Variants in TBCD observed in about 807,000 individuals in gnomAD.
TBCD encodes tubulin-specific chaperone D.
TBCD carries 105 observed loss-of-function variants against 169.3 expected under a neutral mutation model. The observed-to-expected ratio is 0.62, with a 90% CI of 0.53 to 0.73. The LOEUF is 0.73. Ranked by LOEUF, TBCD falls within the 30% of genes least tolerant of loss-of-function variation. TBCD has a pLI of 0.00. For missense variants in TBCD, 1,444 were observed against 1,600.1 expected, an observed-to-expected ratio of 0.90 and a Z score of 1.66; for synonymous variants, 700 against 643.9, an observed-to-expected ratio of 1.09 and a Z score of -1.32.
chr17:82,829,291 A>C, intron 13 of TBCD: 1 of 135,658 alleles, frequency 7.4e-6, no homozygotes, highest in South Asian at 2.4e-4. Context: ...GCACACCCAC[A>C]TGGGCGAATG....
In TBCD at chr17:82,831,095, C is replaced by G; in HGVS notation, c.1318+16161C>G. 2 of 1,614,188 alleles carry G rather than the reference C, an allele frequency of 1.2e-6. No individual in the cohort carries two copies. The highest frequency in any genetic ancestry group is 1.1e-5 in the South Asian group (1 of 91,086). The stretch of plus-strand genomic sequence containing the variant: ...GTGCTTTTCTTAACAGGCCTGAAGG[C>G]TGTGAGGCTTTGCTCTGGCGGGTAG... On this transcript the variant is annotated intron_variant, in intron 13 of 38. Transcript: ENST00000355528. The surrounding 1 kb of genome is among the most constrained non-coding windows in gnomAD (Gnocchi z 4.6).
intron 7 of TBCD, among the ~76,000 whole-genome samples, chr17:82,795,041 G>T (rs1389668038): frequency 6.6e-6 from 1 of 152,208 alleles, no homozygotes; most frequent in Non-Finnish European, 1.5e-5. Flanking sequence ...GGGCATCCAG[G>T]CCAGTTACAA....
chr17:82,933,652 C>T (rs549111480), intron 34 of TBCD, among the ~76,000 whole-genome samples: 1 of 151,954 alleles, frequency 6.6e-6, no homozygotes, highest in Non-Finnish European at 1.5e-5. Context: ...GAGTCTTGCT[C>T]TGTTGCCCAG....
intron 11 of TBCD, among the ~76,000 whole-genome samples, chr17:82,807,912 T>C (rs2292972): frequency 0.36 from 55,313 of 152,154 alleles, 10,365 homozygotes; most frequent in Middle Eastern, 0.41. Flanking sequence ...GTTTACCTGT[T>C]TATCTTCAAA....
chr17:82,807,805 C>T, intron 11 of TBCD, 137 bp downstream of exon 11: 1 of 570,748 alleles, frequency 1.8e-6, no homozygotes, highest in Non-Finnish European at 2.7e-6. Flanking sequence ...ATGTGTGTTG[C>T]TTTACGTGTT....
chr17:82,825,411 A>C (rs2052756192), intron 13 of TBCD, among the ~76,000 whole-genome samples: 2 of 152,136 alleles, frequency 1.3e-5, no homozygotes, highest in African/African-American at 4.8e-5. Context: ...GAAAGCTGGA[A>C]GTATAATATT....
rs759161522 is a variant in TBCD at position 82,911,770 on chromosome 17, A to G, written c.2019A>G (p.Gly673=). The part of the protein sequence containing the change: ...YDRQLYRGLG[G]QLMRQAVCVL... ...CATTCCTTTTCAGGGGTCTGGGAGG[A>G]CAGCTCATGAGACAAGCAGGTAAGT... Residue 673 remains glycine, a synonymous_variant, in exon 23 of 39, where the codon GGA becomes GGG. Coordinates refer to ENST00000355528, the MANE Select transcript of TBCD (RefSeq NM_005993.5). 6 of 1,613,788 alleles carry G rather than the reference A, an allele frequency of 3.7e-6. No individual in the cohort carries two copies. Among genetic ancestry groups the G allele is most frequent in the East Asian group, 4.5e-5 (2 of 44,874 alleles).
chr17:82,824,481 C>A (rs888529723), intron 13 of TBCD, among the ~76,000 whole-genome samples: 5 of 151,710 alleles, frequency 3.3e-5, no homozygotes, highest in Admixed American at 3.3e-4. Flanking sequence ...CCGCGCCCGA[C>A]CCATATATTT....
Position 82,920,525 on chromosome 17 carries a change from T to A in TBCD, c.2039-31T>A. 1 of 1,514,830 alleles carries A rather than the reference T, an allele frequency of 6.6e-7. No homozygotes were observed. Among genetic ancestry groups the A allele is most frequent in the Non-Finnish European group, 8.8e-7 (1 of 1,134,542 alleles). 93.8% of individuals were successfully genotyped at this position (1,514,830 alleles called of 1,614,324 possible). On this transcript the variant is annotated intron_variant, in intron 23 of 38. Transcript: ENST00000355528. This position sits in a 1 kb window ranked among gnomAD's most constrained non-coding sequence, Gnocchi z 4.1. Reference sequence around the variant, plus strand: ...GGCAGGCGCTTTTAGAAAAGTAACATTGCGTCTATCCTTTTTTTTTTTTTT... The same window carrying A: ...GGCAGGCGCTTTTAGAAAAGTAACAATGCGTCTATCCTTTTTTTTTTTTTT...
intron 13 of TBCD, among the ~76,000 whole-genome samples, chr17:82,843,358 C>T (rs1197852405): frequency 3.2e-5 from 4 of 124,368 alleles, no homozygotes; most frequent in African/African-American, 9.3e-5. Flanking sequence ...CCCTTCCCTT[C>T]CCCTCGCCGT....
chr17:82,903,133 G>A lies in TBCD; in HGVS notation c.1731-272G>A, dbSNP rs528440556. Among the ~76,000 whole-genome samples the A allele has an allele frequency of 6.6e-6, 1 of 152,186 alleles. No homozygotes were observed. Among genetic ancestry groups the A allele is most frequent in the Non-Finnish European group, 1.5e-5 (1 of 68,010 alleles). On this transcript the variant is annotated intron_variant, in intron 18 of 38. Transcript: ENST00000355528. This position sits in a 1 kb window ranked among gnomAD's most constrained non-coding sequence, Gnocchi z 4.8. ...AGAGTAGCGTGGGGGTGGGGAGGCC[G>A]GACACCCAATTGCCACCTGGCCCTG...
intron 17 of TBCD, among the ~76,000 whole-genome samples, chr17:82,894,875 G>A (rs2059376867): frequency 6.6e-6 from 1 of 152,190 alleles, no homozygotes; most frequent in Non-Finnish European, 1.5e-5. Flanking sequence ...TACTCAGGAG[G>A]CTGAGGCAGG....
At chr17:82,808,442 TGGGGGGAGGCCCC>T (rs2051153768) in intron 11 of TBCD, among the ~76,000 whole-genome samples, 1 of 18,006 alleles carries the variant, frequency 5.6e-5, no homozygotes, top group African/African-American at 2.1e-4. Flanking sequence ...GGTGTTGAGG[TGGGGGGAGGCCCC>T]TGCTGTGGAG....
At position 82,880,741 on chromosome 17, in the gene TBCD, C is replaced by T. The variant is rs985031793; in HGVS notation, c.1476-3404C>T. ...ACACCTGTCTGTCCGTCCGTCTGTCCACAGGAGCAGGAGGGGCTGGGCGGG... is the reference window on the plus strand; with the variant it reads ...ACACCTGTCTGTCCGTCCGTCTGTCTACAGGAGCAGGAGGGGCTGGGCGGG... On this transcript the variant is annotated intron_variant, in intron 14 of 38. Transcript: ENST00000355528. The surrounding 1 kb of genome is among the most constrained non-coding windows in gnomAD (Gnocchi z 5.0). 6.6e-6 allele frequency among the ~76,000 whole-genome samples: 1 copy of T among 152,192 alleles called. No individual in the cohort carries two copies. The highest frequency in any genetic ancestry group is 1.5e-5 in the Non-Finnish European group (1 of 68,036).
chr17:82,868,898 C>T (rs565051590), intron 13 of TBCD, among the ~76,000 whole-genome samples: 4 of 152,174 alleles, frequency 2.6e-5, no homozygotes, highest in South Asian at 2.1e-4. Context: ...ACGGCGTGTG[C>T]GTGGAGCGGG....
At chr17:82,800,785 G>A (rs1341028714) in intron 8 of TBCD, 79 bp from the exon 9 acceptor site, 1 of 1,522,758 alleles carries the variant, frequency 6.6e-7, no homozygotes, top group Admixed American at 2.1e-5. Context: ...GGAGCCGGCT[G>A]TTGGTTTCGG....
chr17:82,926,491 G>A lies in TBCD; in HGVS notation c.2471G>A (p.Arg824Lys). 6.2e-7 allele frequency: 1 copy of A among 1,613,682 alleles called. No homozygotes were observed. The highest frequency in any genetic ancestry group is 8.5e-7 in the Non-Finnish European group (1 of 1,179,700). The change falls in exon 28 of 39, where the codon AGG becomes AAG. Residue 824 changes from arginine to lysine, a missense_variant and splice_region_variant. By Grantham distance (26) the Arg-to-Lys change is conservative. Transcript: ENST00000355528. ...AGAGACGGCTTGAAGGCCATTGCGA[G>A]GTGAGTCCCAACAGTTCCTCCCTAA... ...SRRDGLKAIA[R>K]ICQTVGVKAG... is the part of the protein sequence containing the mutation.
At chr17:82,830,393 GC>G (rs1280496925) in intron 13 of TBCD, 1 of 1,612,130 alleles carries the variant, frequency 6.2e-7, no homozygotes, top group Non-Finnish European at 8.5e-7. Context: ...TAGGCCGCCA[GC>G]TGGCACAGGG....
rs1266547257 is a variant in TBCD, at chr17:82,926,510, T to C, written c.2471+19T>C. The C allele has an allele frequency of 6.2e-7, 1 of 1,609,470 alleles. No individual in the cohort carries two copies. The highest frequency in any genetic ancestry group is 1.3e-5 in the African/African-American group (1 of 74,918). On this transcript the variant is annotated intron_variant, in intron 28 of 38. Coordinates refer to ENST00000355528, the MANE Select transcript of TBCD (RefSeq NM_005993.5). The stretch of plus-strand genomic sequence containing the variant: ...TTGCGAGGTGAGTCCCAACAGTTCC[T>C]CCCTAAAGTCGTAAGTCTCTGAAAG...
Sources: gnomAD v4.1 joint callset for allele counts (sites outside exome capture counted in the v4.1 genomes callset) on GRCh38, gnomAD v4.1.1 for gene constraint, Gnocchi (gnomAD v3.1) non-coding constraint, MANE v1.5 for transcripts, NCBI Gene and HGNC (gene_info 2026-07-23, HGNC 2026-07-21) for gene names.